Variants in SH3GL2 observed in about 807,000 individuals in gnomAD.
SH3GL2 encodes endophilin-A1.
Under a neutral mutation model 46.0 loss-of-function variants are expected in SH3GL2, and 24 were observed. The observed-to-expected ratio is 0.52, with a 90% CI of 0.38 to 0.73. The LOEUF (loss-of-function observed/expected upper bound fraction) is 0.73, where lower values mean the gene tolerates loss of function less well. Among genes scored for constraint, SH3GL2 ranks in the 30% least tolerant of loss-of-function variants. SH3GL2 has a pLI of 0.00. For missense variants in SH3GL2, 413 were observed against 424.2 expected (o/e 0.97, Z 0.23); for synonymous variants, 196 against 147.1 (o/e 1.33, Z -2.40).
chr9:17,760,213 C>T (rs1823129115), intron 2 of SH3GL2, among the ~76,000 whole-genome samples: 1 of 152,120 alleles, frequency 6.6e-6, no homozygotes, highest in African/African-American at 2.4e-5. Context: ...TTGCATCCTT[C>T]TAAAGATAAT....
At chr9:17,701,874 G>A (rs1337996702) in intron 1 of SH3GL2, among the ~76,000 whole-genome samples, 1 of 151,980 alleles carries the variant, frequency 6.6e-6, no homozygotes, top group Admixed American at 6.6e-5. Context: ...AAAGGAGTCA[G>A]CTTTCTCTAA....
intron 1 of SH3GL2, among the ~76,000 whole-genome samples, chr9:17,643,128 G>T (rs1281850967): frequency 6.6e-6 from 1 of 152,062 alleles, no homozygotes; most frequent in Non-Finnish European, 1.5e-5. Flanking sequence ...GGGTTCCTAG[G>T]TATTTTATTC....
chr9:17,758,832 A>C (rs1395448124), intron 2 of SH3GL2, among the ~76,000 whole-genome samples: 6 of 152,164 alleles, frequency 3.9e-5, no homozygotes, highest in Non-Finnish European at 8.8e-5. Context: ...CTCAATGGGC[A>C]CAAAGTCGGT....
chr9:17,601,540 T>C (rs1332880396), intron 1 of SH3GL2, among the ~76,000 whole-genome samples: 4 of 152,338 alleles, frequency 2.6e-5, no homozygotes, highest in African/African-American at 9.6e-5. Context: ...AATTTCCTTT[T>C]GTCCTTTGTA....
At position 17,606,337 on chromosome 9, in the gene SH3GL2, C is replaced by T. The variant is rs190659352; in HGVS notation, c.45+27050C>T. Among the ~76,000 whole-genome samples, 40 of 152,216 alleles carry T rather than the reference C, an allele frequency of 2.6e-4. 1 individual carries two copies. The East Asian group carries it at 5.8e-3, about 22-fold the overall frequency. ...TGAACTCCTGACCTCATGATCCGCC[C>T]GCCTTGGCCTCCTAAAGTGCTGGGA... On this transcript the variant is annotated intron_variant, in intron 1 of 8. Transcript: ENST00000380607.
chr9:17,689,996 G>GA (rs1397642573), intron 1 of SH3GL2, among the ~76,000 whole-genome samples: 3 of 152,230 alleles, frequency 2.0e-5, no homozygotes, highest in African/African-American at 4.8e-5. Context: ...TCATGTGAAT[G>GA]AAAGAATTCT....
intron 1 of SH3GL2, among the ~76,000 whole-genome samples, chr9:17,611,382 C>G (rs2134581441): frequency 6.6e-6 from 1 of 152,100 alleles, no homozygotes; most frequent in African/African-American, 2.4e-5. Flanking sequence ...AAAATGCATT[C>G]TAAGGTGAAA....
intron 1 of SH3GL2, among the ~76,000 whole-genome samples, chr9:17,723,693 G>C (rs1034286901): frequency 6.6e-6 from 1 of 151,896 alleles, no homozygotes; most frequent in Non-Finnish European, 1.5e-5. Context: ...GATCTTCTTC[G>C]TCTATTTGCC....
At chr9:17,766,777 G>T (rs1008146101) in intron 3 of SH3GL2, among the ~76,000 whole-genome samples, 1 of 152,056 alleles carries the variant, frequency 6.6e-6, no homozygotes, top group Non-Finnish European at 1.5e-5. Flanking sequence ...GCTGTGGCCA[G>T]TGGTGCCCGT....
intron 1 of SH3GL2, among the ~76,000 whole-genome samples, chr9:17,642,724 G>T (rs907791520): frequency 1.3e-5 from 2 of 152,072 alleles, no homozygotes; most frequent in African/African-American, 2.4e-5. Flanking sequence ...ATCTGTTTTG[G>T]TATGAGTACC....
In SH3GL2 at chr9:17,712,267, A is replaced by C. The variant is rs181744478; in HGVS notation, c.46-34799A>C. ...TTTTCTCCACATCTATGGCTTGACT[A>C]TTTTCCTAACAGTGTCTTCTGGGGA... On this transcript the variant is annotated intron_variant, in intron 1 of 8. Transcript: ENST00000380607. Among the ~76,000 whole-genome samples, 424 of 151,756 alleles carry C rather than the reference A, an allele frequency of 2.8e-3. 4 individuals are homozygous for C. The highest frequency in any genetic ancestry group is 7.9e-3 in the African/African-American group (326 of 41,466).
intron 1 of SH3GL2, among the ~76,000 whole-genome samples, chr9:17,723,349 A>G (rs1420119144): frequency 6.6e-6 from 1 of 152,182 alleles, no homozygotes; most frequent in African/African-American, 2.4e-5. Context: ...TGTAATTAAT[A>G]TCACATTATT....
chr9:17,691,445 A>G (rs1821074916), intron 1 of SH3GL2, among the ~76,000 whole-genome samples: 2 of 152,156 alleles, frequency 1.3e-5, no homozygotes, highest in Admixed American at 1.3e-4. Flanking sequence ...CGTACTTAGG[A>G]CATTTCTTGC....
At chr9:17,761,833 A>C (rs1237831319) in intron 3 of SH3GL2, among the ~76,000 whole-genome samples, 1 of 152,230 alleles carries the variant, frequency 6.6e-6, no homozygotes, top group Non-Finnish European at 1.5e-5. Context: ...AGATGGTAAG[A>C]AGGAAAATTA....
At chr9:17,712,157 G>C (rs572203393) in intron 1 of SH3GL2, among the ~76,000 whole-genome samples, 1 of 151,640 alleles carries the variant, frequency 6.6e-6, no homozygotes, top group African/African-American at 2.4e-5. Flanking sequence ...TCTCTATTGG[G>C]TGATTTTCTT....
intron 3 of SH3GL2, among the ~76,000 whole-genome samples, chr9:17,766,974 C>G (rs1047960515): frequency 4.6e-5 from 7 of 152,158 alleles, no homozygotes; most frequent in African/African-American, 1.7e-4. Context: ...TTTCATGACA[C>G]TTGAATGGAA....
In SH3GL2 at chr9:17,613,178, T is replaced by C. The variant is rs554296835; in HGVS notation, c.45+33891T>C. ...TTTCTTAGTGTGACCATTGCTTTTC[T>C]GATGCCACGTACTCTAGAATCTGAA... On this transcript the variant is annotated intron_variant, in intron 1 of 8. Coordinates refer to ENST00000380607, the MANE Select transcript of SH3GL2 (RefSeq NM_003026.5). Among the ~76,000 whole-genome samples, 8 of 152,354 alleles carry C rather than the reference T, an allele frequency of 5.3e-5. No individual in the cohort carries two copies. In the South Asian group the frequency reaches 1.7e-3, roughly 32 times the overall value.
intron 1 of SH3GL2, among the ~76,000 whole-genome samples, chr9:17,646,416 G>A (rs1432564650): frequency 6.6e-6 from 1 of 151,940 alleles, no homozygotes; most frequent in African/African-American, 2.4e-5. Context: ...TTGCTCCTTT[G>A]CTGGCAAGGA....
intron 1 of SH3GL2, among the ~76,000 whole-genome samples, chr9:17,652,765 T>C (rs1819985831): frequency 6.6e-6 from 1 of 152,206 alleles, no homozygotes; most frequent in South Asian, 2.1e-4. Flanking sequence ...ATTAATTGAT[T>C]TAAATTTTCT....
Sources: allele counts gnomAD v4.1 joint callset (sites outside exome capture counted in the v4.1 genomes callset), GRCh38; gene constraint gnomAD v4.1.1; transcripts MANE v1.5; gene names NCBI Gene and HGNC (gene_info 2026-07-23, HGNC 2026-07-21).